The following TMEM181 variants were observed in gnomAD, a reference collection of about 807,000 sequenced individuals.
TMEM181 encodes G protein-coupled receptor 178.
A neutral mutation model predicts 71.9 loss-of-function variants in TMEM181; 39 were observed. That is an observed-to-expected ratio of 0.54 (90% CI 0.42 to 0.71). The LOEUF (loss-of-function observed/expected upper bound fraction) is 0.71, where lower values mean the gene tolerates loss of function less well. Among genes scored for constraint, TMEM181 ranks in the 30% least tolerant of loss-of-function variants. The pLI is 0.00. For missense variants in TMEM181, 595 were observed against 583.0 expected, an observed-to-expected ratio of 1.02 and a Z score of -0.21; for synonymous variants, 245 against 228.8, an observed-to-expected ratio of 1.07 and a Z score of -0.64.
Position 158,628,495 on chromosome 6 carries a change from C to G in TMEM181, c.1192+5C>G. ...TGTCAACTCACTACCAGAATTATATCCTTTTCACTGGAGGGCCCTGGCTGC... is the reference window on the plus strand; with the variant it reads ...TGTCAACTCACTACCAGAATTATATGCTTTTCACTGGAGGGCCCTGGCTGC... On this transcript the variant is annotated splice_donor_5th_base_variant and intron_variant, in intron 14 of 16. Coordinates refer to ENST00000684151, the MANE Select transcript of TMEM181 (RefSeq NM_001376852.1). The G allele has an allele frequency of 1.2e-6, 2 of 1,613,672 alleles. No individual in the cohort carries two copies. Among genetic ancestry groups the G allele is most frequent in the Non-Finnish European group, 1.7e-6 (2 of 1,179,622 alleles).
exon 1 of TMEM181, chr6:158,536,837 A>G: frequency 6.5e-7 from 1 of 1,536,938 alleles, no homozygotes. Flanking sequence ...GGAGGACCTC[A>G]CGCCCTTCAA....
At chr6:158,603,461 TCTG>T (rs1398499309) in intron 6 of TMEM181, among the ~76,000 whole-genome samples, 3 of 152,208 alleles carry the variant, frequency 2.0e-5, no homozygotes, top group Admixed American at 6.5e-5. Context: ...CCACTGCTCA[TCTG>T]CTGCTGTATG....
At chr6:158,608,619 G>T (rs753039449) in intron 9 of TMEM181, 40 bp from the exon 10 acceptor site, 2 of 1,597,120 alleles carry the variant, frequency 1.3e-6, no homozygotes, top group South Asian at 2.3e-5. Flanking sequence ...TTACCAATTT[G>T]GTTTTCTTTA....
chr6:158,569,821 G>T (rs373369798), intron 1 of TMEM181, among the ~76,000 whole-genome samples: 1 of 152,098 alleles, frequency 6.6e-6, no homozygotes, highest in African/African-American at 2.4e-5. Flanking sequence ...GGCTGGTCCC[G>T]AATTCCTGAC....
At chr6:158,600,265 A>G (rs2128311825) in intron 6 of TMEM181, among the ~76,000 whole-genome samples, 1 of 152,124 alleles carries the variant, frequency 6.6e-6, no homozygotes, top group East Asian at 1.9e-4. Context: ...TCCTGGGTTC[A>G]GGTGATTTCT....
At chr6:158,603,106 T>A (rs1260001671) in intron 6 of TMEM181, among the ~76,000 whole-genome samples, 1 of 152,212 alleles carries the variant, frequency 6.6e-6, no homozygotes, top group African/African-American at 2.4e-5. Flanking sequence ...TTGATAGTTT[T>A]CATCAAATCG....
chr6:158,542,548 T>C lies in TMEM181; in HGVS notation c.131+5683T>C, dbSNP rs568690232. Among the ~76,000 whole-genome samples the C allele has an allele frequency of 5.9e-5, 9 of 152,334 alleles. No individual in the cohort carries two copies. In the East Asian group the frequency reaches 1.5e-3, roughly 26 times the overall value. On this transcript the variant is annotated intron_variant, in intron 1 of 16. Transcript: ENST00000367090. ...TGGTGTTTACCTAGGCTTAATTATT[T>C]CTTTGTGTACCTTGGGGTAAGCGGA...
chr6:158,616,975 T>C (rs1785650193), intron 10 of TMEM181, among the ~76,000 whole-genome samples: 1 of 152,228 alleles, frequency 6.6e-6, no homozygotes, highest in African/African-American at 2.4e-5. Flanking sequence ...CAGGCTTTGG[T>C]GTCAGGATGA....
Position 158,625,120 on chromosome 6 carries a change from T to A in TMEM181, c.971T>A (p.Phe324Tyr). ...TCCTCCTAGGGAATGAAGGTCTTCT[T>A]CATGGTGGTGGCAGCGGTGTACATT... ...TGNFQGMKVFFMVVAAVYILY... is the reference protein window; with the variant it reads ...TGNFQGMKVFYMVVAAVYILY... The change falls in exon 12 of 17, where the codon TTC becomes TAC. Residue 324 changes from phenylalanine (F) to tyrosine (Y), a missense_variant. Physicochemically the swap from Phe to Tyr is conservative, Grantham distance 22. Transcript: ENST00000684151. 1 of 1,614,128 alleles carries A rather than the reference T, an allele frequency of 6.2e-7. No individual in the cohort carries two copies. The highest frequency in any genetic ancestry group is 8.5e-7 in the Non-Finnish European group (1 of 1,179,986).
At chr6:158,573,545 T>G (rs4709217) in intron 2 of TMEM181, 22 bp downstream of exon 2, 1,568,124 of 1,579,060 alleles carry the variant, frequency 0.99, 778,699 homozygotes, top group East Asian at 1. Context: ...TTTTTACTCA[T>G]TGAATCTTTT....
At chr6:158,590,761 C>G (rs1784068361) in intron 6 of TMEM181, among the ~76,000 whole-genome samples, 1 of 152,220 alleles carries the variant, frequency 6.6e-6, no homozygotes. Flanking sequence ...CGCGCCCGGC[C>G]CATTCAGTGG....
intron 10 of TMEM181, chr6:158,609,678 A>G: frequency 4.3e-6 from 1 of 232,748 alleles, no homozygotes. Flanking sequence ...CTTTTCTGGG[A>G]GACTCCCAAT....
At chr6:158,621,144 G>A (rs562429400) in intron 10 of TMEM181, among the ~76,000 whole-genome samples, 2 of 152,328 alleles carry the variant, frequency 1.3e-5, no homozygotes, top group Admixed American at 1.3e-4. Flanking sequence ...GGAAACGAAT[G>A]TGCTTATTAG....
At chr6:158,548,328 C>G (rs980847949) in intron 1 of TMEM181, among the ~76,000 whole-genome samples, 1 of 152,208 alleles carries the variant, frequency 6.6e-6, no homozygotes, top group Non-Finnish European at 1.5e-5. Flanking sequence ...GAAACTATTG[C>G]TCTAGGTTCT....
chr6:158,592,471 C>T (rs1784160851), intron 6 of TMEM181, among the ~76,000 whole-genome samples: 1 of 107,408 alleles, frequency 9.3e-6, no homozygotes. Flanking sequence ...ATAATGAGAC[C>T]CCATCTTTTT....
At chr6:158,571,346 T>C (rs566356528) in intron 1 of TMEM181, among the ~76,000 whole-genome samples, 11 of 147,770 alleles carry the variant, frequency 7.4e-5, no homozygotes, top group East Asian at 2.2e-4. Flanking sequence ...TCCGCCCACC[T>C]TGGCCTCCCA....
chr6:158,611,334 T>A (rs915108169), intron 10 of TMEM181: 1 of 516,832 alleles, frequency 1.9e-6, no homozygotes, highest in African/African-American at 1.9e-5. Context: ...TGCTTGGTTT[T>A]GAACTAGTGA....
chr6:158,625,244 G>A (rs771556259), intron 12 of TMEM181, 38 bp downstream of exon 12: 3 of 1,571,826 alleles, frequency 1.9e-6, no homozygotes, highest in Non-Finnish European at 8.8e-7. Flanking sequence ...GGGGTGGCTT[G>A]GGAGTGACTC....
intron 16 of TMEM181, 52 bp from the exon 17 acceptor site, chr6:158,631,758 A>G (rs1479097427): frequency 6.5e-7 from 1 of 1,537,322 alleles, no homozygotes; most frequent in African/African-American, 1.4e-5. Context: ...TGGAAGAGGA[A>G]AATAAAGAGC....
Sources: gnomAD v4.1 joint callset for allele counts (sites outside exome capture counted in the v4.1 genomes callset) on GRCh38, gnomAD v4.1.1 for gene constraint, MANE v1.5 for transcripts, NCBI Gene and HGNC (gene_info 2026-07-23, HGNC 2026-07-21) for gene names.